Variants in LMBRD1 observed in about 807,000 individuals in gnomAD.
The protein encoded by LMBRD1 is LMBR1 domain containing 1.
A neutral mutation model predicts 74.8 loss-of-function variants in LMBRD1; 64 were observed. The observed-to-expected ratio is 0.86, with a 90% confidence interval of 0.70 to 1.05. The LOEUF (loss-of-function observed/expected upper bound fraction) is 1.05. LMBRD1 is among the 50% of genes least tolerant of loss of function. The pLI is 0.00. For missense variants in LMBRD1, 652 were observed against 645.9 expected (o/e 1.01, Z -0.10); for synonymous variants, 204 against 216.3 (o/e 0.94, Z 0.50).
chr6:69,768,574 AATT>A (rs1765516958), intron 3 of LMBRD1, among the ~76,000 whole-genome samples: 1 of 152,152 alleles, frequency 6.6e-6, no homozygotes, highest in South Asian at 2.1e-4. Flanking sequence ...ACAGTGTTAT[AATT>A]ATTACTTTAT....
At chr6:69,788,540 T>TA (rs975268063) in intron 2 of LMBRD1, among the ~76,000 whole-genome samples, 2 of 152,296 alleles carry the variant, frequency 1.3e-5, no homozygotes, top group African/African-American at 4.8e-5. Context: ...AATTTAATTC[T>TA]AAAATGACAC....
At chr6:69,749,300 A>T (rs1366904986) in intron 5 of LMBRD1, 41 bp downstream of exon 5, 9 of 1,383,798 alleles carry the variant, frequency 6.5e-6, no homozygotes, top group African/African-American at 4.7e-5. Flanking sequence ...AAATAATTCT[A>T]TTTCCATTTC....
chr6:69,675,288 T>C lies in LMBRD1; in HGVS notation c.*870A>G, dbSNP rs2149831735. Reference sequence around the variant, plus strand: ...AAACTAGAATATAATTTTTTATTATTTCTCACTATCCAGAATGTGTTCAAA... The same window carrying C: ...AAACTAGAATATAATTTTTTATTATCTCTCACTATCCAGAATGTGTTCAAA... On this transcript the variant is annotated 3_prime_UTR_variant, in exon 16 of 16. Coordinates refer to ENST00000649934, the MANE Select transcript of LMBRD1 (RefSeq NM_018368.4). Among the ~76,000 whole-genome samples the C allele has an allele frequency of 6.6e-6, 1 of 152,300 alleles. No homozygotes were observed. The highest frequency in any genetic ancestry group is 2.1e-4 in the South Asian group (1 of 4,826).
intron 14 of LMBRD1, among the ~76,000 whole-genome samples, chr6:69,679,528 C>T (rs188540730): frequency 2.1e-4 from 32 of 152,050 alleles, no homozygotes; most frequent in Admixed American, 1.6e-3. Flanking sequence ...TGACTGTTGA[C>T]GTTAAAAGGG....
At chr6:69,763,986 TCACA>T (rs767549303) in intron 3 of LMBRD1, among the ~76,000 whole-genome samples, 91 of 152,316 alleles carry the variant, frequency 6.0e-4, no homozygotes, top group Middle Eastern at 6.8e-3. Context: ...TTACTTGTGG[TCACA>T]CACATATCTG....
At chr6:69,706,212 C>G (rs190612605) in intron 9 of LMBRD1, 2 of 413,638 alleles carry the variant, frequency 4.8e-6, no homozygotes, top group Non-Finnish European at 9.1e-6. Flanking sequence ...AGATAAACAA[C>G]CACAGCTCAA....
chr6:69,792,765 G>A (rs536270634), intron 1 of LMBRD1, among the ~76,000 whole-genome samples: 57 of 152,282 alleles, frequency 3.7e-4, no homozygotes, highest in African/African-American at 1.3e-3. Flanking sequence ...GACACAAAGT[G>A]TTCCAATAAA....
At chr6:69,783,000 A>T (rs948604361) in intron 2 of LMBRD1, among the ~76,000 whole-genome samples, 1 of 152,252 alleles carries the variant, frequency 6.6e-6, no homozygotes, top group South Asian at 2.1e-4. Flanking sequence ...ATAACATAGA[A>T]TAACATGTTG....
chr6:69,686,249 C>A (rs1451348141), intron 14 of LMBRD1, among the ~76,000 whole-genome samples: 1 of 152,118 alleles, frequency 6.6e-6, no homozygotes, highest in South Asian at 2.1e-4. Flanking sequence ...TAATAATTCT[C>A]GTTTAGAGTT....
intron 3 of LMBRD1, among the ~76,000 whole-genome samples, chr6:69,755,450 G>C (rs573918486): frequency 8.5e-5 from 13 of 152,074 alleles, no homozygotes; most frequent in African/African-American, 3.1e-4. Flanking sequence ...GTCAAGGCCG[G>C]GGGAGAGCAT....
Position 69,674,808 on chromosome 6 carries a change from GC to G in LMBRD1, c.*1349del, listed in dbSNP as rs1444718754. ...GCCAAGATGGTGAAACCCCATCTCT[GC>G]TAAAAATACAAAAACTAGCCAGGCA... On this transcript the variant is annotated 3_prime_UTR_variant, in exon 16 of 16. Coordinates refer to ENST00000649934, the MANE Select transcript of LMBRD1 (RefSeq NM_018368.4). Among the ~76,000 whole-genome samples, 2 of 151,706 alleles carry G rather than the reference GC, an allele frequency of 1.3e-5. No homozygotes were observed. Among genetic ancestry groups the G allele is most frequent in the South Asian group, 2.1e-4 (1 of 4,808 alleles).
chr6:69,744,728 T>G (rs1229001131), intron 5 of LMBRD1, among the ~76,000 whole-genome samples: 1 of 152,214 alleles, frequency 6.6e-6, no homozygotes, highest in Non-Finnish European at 1.5e-5. Context: ...GTAGTTCCAA[T>G]GCTCACCTGA....
intron 3 of LMBRD1, among the ~76,000 whole-genome samples, chr6:69,767,427 A>G (rs2502543): frequency 0.21 from 31,269 of 151,582 alleles, 3,622 homozygotes; most frequent in East Asian, 0.26. Flanking sequence ...ATATTCTCCA[A>G]TCTACCTTGT....
chr6:69,706,514 A>G (rs1766263023), intron 9 of LMBRD1, among the ~76,000 whole-genome samples: 1 of 152,184 alleles, frequency 6.6e-6, no homozygotes, highest in Non-Finnish European at 1.5e-5. Context: ...GATACAATTA[A>G]TAATACGATC....
At position 69,755,538 on chromosome 6, in the gene LMBRD1, C is replaced by T. The variant is rs765016202; in HGVS notation, c.308-3182G>A. ...AGGTGCGGCAAACCACCATGGCACACGTATACCTATGTAACAAACCTGTAC... is the reference window on the plus strand; with the variant it reads ...AGGTGCGGCAAACCACCATGGCACATGTATACCTATGTAACAAACCTGTAC... On this transcript the variant is annotated intron_variant, in intron 3 of 15. Transcript: ENST00000649934. Among the ~76,000 whole-genome samples the T allele has an allele frequency of 4.8e-5, 7 of 146,254 alleles. No individual in the cohort carries two copies. In the South Asian group the frequency reaches 6.5e-4, roughly 14 times the overall value.
chr6:69,684,673 T>C (rs1188069146), intron 14 of LMBRD1, among the ~76,000 whole-genome samples: 1 of 152,112 alleles, frequency 6.6e-6, no homozygotes, highest in East Asian at 1.9e-4. Flanking sequence ...AGAAAGAAGA[T>C]ATGATTTACA....
chr6:69,771,441 C>A (rs1765575193), intron 3 of LMBRD1, among the ~76,000 whole-genome samples: 1 of 152,180 alleles, frequency 6.6e-6, no homozygotes, highest in Non-Finnish European at 1.5e-5. Flanking sequence ...TGTCTTCTAC[C>A]TAATCTCAGA....
At chr6:69,725,228 G>C (rs1452201574) in intron 7 of LMBRD1, among the ~76,000 whole-genome samples, 1 of 151,778 alleles carries the variant, frequency 6.6e-6, no homozygotes, top group African/African-American at 2.4e-5. Flanking sequence ...AAAAAATGAA[G>C]AAATATTCCA....
At chr6:69,738,855 T>C (rs1244564372) in intron 6 of LMBRD1, among the ~76,000 whole-genome samples, 1 of 152,178 alleles carries the variant, frequency 6.6e-6, no homozygotes, top group African/African-American at 2.4e-5. Context: ...ATACAAAGTT[T>C]TGATTAATTT....
Sources: allele counts gnomAD v4.1 joint callset (sites outside exome capture counted in the v4.1 genomes callset), GRCh38; gene constraint gnomAD v4.1.1; transcripts MANE v1.5; gene names NCBI Gene and HGNC (gene_info 2026-07-23, HGNC 2026-07-21).